SMAP1: variants seen among roughly 807,000 people sequenced by gnomAD.
SMAP1 encodes the protein small ArfGAP 1.
SMAP1 carries 24 observed loss-of-function variants against 58.5 expected under a neutral mutation model. The ratio of observed to expected loss-of-function variants is 0.41; its 90% CI spans 0.30 to 0.58. SMAP1 has a LOEUF of 0.58. Ranked by LOEUF, SMAP1 falls within the 20% of genes least tolerant of loss-of-function variation. The probability of loss-of-function intolerance (pLI) is 0.29; values close to 1 mark genes in which losing one functional copy is unlikely to be tolerated. For synonymous variants in SMAP1, 216 were observed against 196.6 expected (o/e 1.10, Z -0.82); for missense variants, 563 against 566.3 (o/e 0.99, Z 0.06).
chr6:70,683,146 T>G (rs966940385), intron 1 of SMAP1, among the ~76,000 whole-genome samples: 1 of 151,876 alleles, frequency 6.6e-6, no homozygotes, highest in African/African-American at 2.4e-5. Flanking sequence ...TGCATTTTCT[T>G]GATACTCTTA....
At chr6:70,819,981 A>C (rs1376721037) in intron 6 of SMAP1, among the ~76,000 whole-genome samples, 4 of 152,160 alleles carry the variant, frequency 2.6e-5, no homozygotes, top group Non-Finnish European at 2.9e-5. Flanking sequence ...CTTCAGTCCC[A>C]CTGTCTGCTT....
chr6:70,705,557 G>A (rs923566204), intron 1 of SMAP1, among the ~76,000 whole-genome samples: 5 of 152,128 alleles, frequency 3.3e-5, no homozygotes, highest in African/African-American at 1.2e-4. Context: ...GGGCCATTAT[G>A]ATCTTTTCAT....
intron 1 of SMAP1, among the ~76,000 whole-genome samples, chr6:70,704,370 T>C (rs1454510370): frequency 2.0e-5 from 3 of 152,220 alleles, no homozygotes; most frequent in African/African-American, 4.8e-5. Context: ...AATCAACTTA[T>C]AGAGGAAATC....
rs148836830 is a variant in SMAP1 at position 70,821,145 on chromosome 6, A to G, written c.577-15796A>G. The stretch of plus-strand genomic sequence containing the variant: ...AGAGGATTATTAAAAACTTTGAATC[A>G]CTATTTAGATTTATATCAACAAGAT... On this transcript the variant is annotated intron_variant, in intron 6 of 10. Coordinates refer to ENST00000370455, the MANE Select transcript of SMAP1 (RefSeq NM_001044305.3). 3.3e-3 allele frequency among the ~76,000 whole-genome samples: 506 copies of G among 151,888 alleles called. 5 individuals carry two copies. Among genetic ancestry groups the G allele is most frequent in the Admixed American group, 0.02 (298 of 15,262 alleles).
intron 7 of SMAP1, among the ~76,000 whole-genome samples, chr6:70,851,021 T>C (rs1170000654): frequency 6.6e-6 from 1 of 152,176 alleles, no homozygotes; most frequent in South Asian, 2.1e-4. Flanking sequence ...ATAATCTATG[T>C]ACATTGTTTT....
At position 70,684,747 on chromosome 6, in the gene SMAP1, T is replaced by TA. The variant is rs570312341; in HGVS notation, c.118+16614dup. ...TTCTACCCAAGTTTATGTGATAAAGTAAAAAAAAGTAGTTATATGGTAATA... is the reference window on the plus strand; with the variant it reads ...TTCTACCCAAGTTTATGTGATAAAGTAAAAAAAAAGTAGTTATATGGTAATA... On this transcript the variant is annotated intron_variant, in intron 1 of 10. Transcript: ENST00000370455. Among the ~76,000 whole-genome samples, 7 of 152,170 alleles carry TA rather than the reference T, an allele frequency of 4.6e-5. No individual in the cohort carries two copies. In the East Asian group the frequency reaches 1.4e-3, roughly 29 times the overall value.
intron 1 of SMAP1, among the ~76,000 whole-genome samples, chr6:70,710,273 A>G (rs1767999234): frequency 6.6e-6 from 1 of 152,064 alleles, no homozygotes; most frequent in Non-Finnish European, 1.5e-5. Context: ...TGGGCGGATC[A>G]TGAGGTCAAG....
intron 7 of SMAP1, among the ~76,000 whole-genome samples, chr6:70,851,859 C>T (rs1771197651): frequency 6.6e-6 from 1 of 152,120 alleles, no homozygotes; most frequent in Non-Finnish European, 1.5e-5. Flanking sequence ...CTAAAAGTGG[C>T]TGTGCTGGAA....
chr6:70,689,358 A>G (rs746845879), intron 1 of SMAP1, among the ~76,000 whole-genome samples: 79 of 152,146 alleles, frequency 5.2e-4, no homozygotes, highest in Non-Finnish European at 8.8e-5. Flanking sequence ...GCACCTTTTT[A>G]AAAAAGTTAA....
At chr6:70,846,323 A>G (rs551579125) in intron 7 of SMAP1, among the ~76,000 whole-genome samples, 1 of 152,218 alleles carries the variant, frequency 6.6e-6, no homozygotes, top group East Asian at 1.9e-4. Context: ...TGTATTGAGT[A>G]TGTGCCTTAA....
At chr6:70,676,976 GT>G (rs568909335) in intron 1 of SMAP1, among the ~76,000 whole-genome samples, 76 of 151,938 alleles carry the variant, frequency 5.0e-4, no homozygotes, top group African/African-American at 1.5e-3. Flanking sequence ...GTTGGGTGTG[GT>G]GGGGAGGGGC....
At chr6:70,731,606 A>G (rs1160987950) in intron 1 of SMAP1, among the ~76,000 whole-genome samples, 4 of 152,228 alleles carry the variant, frequency 2.6e-5, no homozygotes, top group Admixed American at 6.5e-5. Context: ...GATACATTTA[A>G]TTAATATGCA....
rs146782076 is a variant in SMAP1 at position 70,860,246 on chromosome 6, C to T, written c.1316C>T (p.Thr439Ile). The T allele has an allele frequency of 2.4e-5, 39 of 1,613,664 alleles. No homozygotes were observed. In the African/African-American group the frequency reaches 4.8e-4, roughly 20 times the overall value. Residue 439 changes from threonine (T) to isoleucine (I), a missense_variant, in exon 11 of 11, where the codon ACT becomes ATT. Around this residue, in one of 3 missense-constraint regions of SMAP1, gnomAD observed 494 missense variants for 473.8 expected, o/e 1.04. Coordinates refer to ENST00000370455, the MANE Select transcript of SMAP1 (RefSeq NM_001044305.3). ...AGMSISSATP[T>I]AGFGQPSSTT... ...ATGAGTATCAGTAGTGCAACCCCTACTGCAGGTTTTGGCCAGCCCTCCAGC... is the reference window on the plus strand; with the variant it reads ...ATGAGTATCAGTAGTGCAACCCCTATTGCAGGTTTTGGCCAGCCCTCCAGC...
At chr6:70,685,399 C>G (rs1766896427) in intron 1 of SMAP1, among the ~76,000 whole-genome samples, 1 of 151,544 alleles carries the variant, frequency 6.6e-6, no homozygotes, top group Non-Finnish European at 1.5e-5. Context: ...TTTAAAGAGG[C>G]AGGCCATAAA....
At chr6:70,829,498 A>T (rs1379358055) in intron 6 of SMAP1, among the ~76,000 whole-genome samples, 1 of 152,042 alleles carries the variant, frequency 6.6e-6, no homozygotes, top group African/African-American at 2.4e-5. Flanking sequence ...TTTAAATCTA[A>T]TTTTTGATAG....
intron 4 of SMAP1, among the ~76,000 whole-genome samples, chr6:70,779,502 A>G (rs908977944): frequency 1.2e-4 from 19 of 152,154 alleles, no homozygotes; most frequent in Admixed American, 9.8e-4. Context: ...TGAGGGCTGA[A>G]GGACTCTTCT....
intron 3 of SMAP1, among the ~76,000 whole-genome samples, chr6:70,756,472 A>G (rs1303969157): frequency 4.6e-5 from 7 of 152,110 alleles, no homozygotes; most frequent in East Asian, 1.9e-4. Flanking sequence ...TATTTGTTAT[A>G]GAAAGTTTGC....
At chr6:70,766,943 C>T (rs1011429887) in intron 3 of SMAP1, among the ~76,000 whole-genome samples, 1 of 151,960 alleles carries the variant, frequency 6.6e-6, no homozygotes, top group Non-Finnish European at 1.5e-5. Flanking sequence ...AGGAAGGGAT[C>T]CAGTTTCAGC....
intron 7 of SMAP1, among the ~76,000 whole-genome samples, chr6:70,842,733 T>G (rs1436811887): frequency 3.3e-5 from 5 of 152,170 alleles, no homozygotes; most frequent in South Asian, 4.2e-4. Context: ...GGTGGAACAG[T>G]GAGCGCAGGG....
Sources: gnomAD v4.1 joint callset for allele counts (sites outside exome capture counted in the v4.1 genomes callset) on GRCh38, gnomAD v4.1.1 for gene constraint, gnomAD v4.1.1 regional missense constraint, MANE v1.5 for transcripts, NCBI Gene and HGNC (gene_info 2026-07-23, HGNC 2026-07-21) for gene names.